GPM6A: variants seen among roughly 807,000 people sequenced by gnomAD.
GPM6A encodes the protein neuronal membrane glycoprotein M6-a.
In GPM6A, 7 loss-of-function variants were observed where a neutral mutation model predicts 32.1. That is an observed-to-expected ratio of 0.22 (90% CI 0.12 to 0.41). The LOEUF is 0.41. Among genes scored for constraint, GPM6A ranks in the 10% least tolerant of loss-of-function variants. The pLI is 1.00. For synonymous variants in GPM6A, 130 were observed against 123.4 expected (o/e 1.05, Z -0.35); for missense variants, 235 against 347.2 (o/e 0.68, Z 2.57).
chr4:175,705,907 C>T (rs1261120444), intron 1 of GPM6A, among the ~76,000 whole-genome samples: 1 of 151,894 alleles, frequency 6.6e-6, no homozygotes, highest in African/African-American at 2.4e-5. Context: ...AAAATAGGCC[C>T]ATTAATTCTC....
chr4:175,885,063 A>C (rs1473389789), intron 1 of GPM6A, among the ~76,000 whole-genome samples: 1 of 152,204 alleles, frequency 6.6e-6, no homozygotes, highest in African/African-American at 2.4e-5. Flanking sequence ...CAGAATGTAC[A>C]TATGTATGTG....
chr4:175,984,927 C>G (rs1740929131), intron 1 of GPM6A, among the ~76,000 whole-genome samples: 1 of 152,122 alleles, frequency 6.6e-6, no homozygotes, highest in African/African-American at 2.4e-5. Flanking sequence ...GAAAGCTGAA[C>G]TATTTTTGAC....
chr4:175,994,274 T>A (rs1474502471), intron 1 of GPM6A, among the ~76,000 whole-genome samples: 1 of 152,090 alleles, frequency 6.6e-6, no homozygotes, highest in Non-Finnish European at 1.5e-5. Flanking sequence ...ACTTAGTAAG[T>A]TTAGTAGTGA....
At chr4:175,780,417 T>C (rs1733573567) in intron 1 of GPM6A, among the ~76,000 whole-genome samples, 1 of 152,226 alleles carries the variant, frequency 6.6e-6, no homozygotes, top group African/African-American at 2.4e-5. Context: ...GAAGTGCATC[T>C]GTACAAGAGC....
In GPM6A at chr4:175,826,487, T is replaced by C. The variant is rs146854637; in HGVS notation, c.-22-14238A>G. ...GCATATTTCTGAGTTGTTAATATAG[T>C]AGTTTCGACATTAGGTTGACTTTTG... On this transcript the variant is annotated intron_variant, in intron 1 of 7. Coordinates refer to the GPM6A transcript ENST00000280187. Among the ~76,000 whole-genome samples the C allele has an allele frequency of 1.6e-3, 240 of 152,262 alleles. 1 individual carries two copies. Among genetic ancestry groups the C allele is most frequent in the African/African-American group, 5.5e-3 (228 of 41,548 alleles).
At chr4:175,787,573 A>G in intron 1 of GPM6A, 1 of 1,370,518 alleles carries the variant, frequency 7.3e-7, no homozygotes, top group South Asian at 1.8e-5. Context: ...TTGATGATTT[A>G]CAAGTACAGA....
At chr4:175,820,214 T>A (rs1735230160) in intron 1 of GPM6A, among the ~76,000 whole-genome samples, 1 of 152,062 alleles carries the variant, frequency 6.6e-6, no homozygotes, top group African/African-American at 2.4e-5. Flanking sequence ...TTTCTTTTTT[T>A]AAATTAGCTC....
chr4:175,984,907 C>T (rs929240922), intron 1 of GPM6A, among the ~76,000 whole-genome samples: 1 of 152,132 alleles, frequency 6.6e-6, no homozygotes, highest in African/African-American at 2.4e-5. Flanking sequence ...TATTATATAT[C>T]AAGGACACAG....
At chr4:175,795,849 G>C (rs1734201051) in intron 1 of GPM6A, 2 of 152,244 alleles carry the variant, frequency 1.3e-5, no homozygotes, top group Admixed American at 1.3e-4. Flanking sequence ...CTTTGCTCTG[G>C]AGAAGCCAGG....
At chr4:175,907,132 A>T (rs1350875839) in intron 1 of GPM6A, 1 of 152,110 alleles carries the variant, frequency 6.6e-6, no homozygotes, top group Non-Finnish European at 1.5e-5. Flanking sequence ...TGGCTGCCTT[A>T]CTACCTCTTC....
At position 175,673,763 on chromosome 4, in the gene GPM6A, C is replaced by G. The variant is rs756187035; in HGVS notation, c.304G>C (p.Glu102Gln). 2.5e-6 allele frequency: 4 copies of G among 1,612,646 alleles called. No homozygotes were observed. The change falls in exon 3 of 7, where the codon GAA (glutamate) becomes CAA (glutamine). Residue 102 changes from glutamate to glutamine, a missense_variant. Transcript: ENST00000393658. ...ATGGCCCCAGTTGTGAAGAAACCTT[C>G]CACCATCAGCAAAATGCCATACACA... ...FFVYGILLMV[E>Q]GFFTTGAIKD...
chr4:175,906,751 G>A (rs554175508), intron 1 of GPM6A: 4 of 152,104 alleles, frequency 2.6e-5, no homozygotes, highest in Admixed American at 6.6e-5. Context: ...CAGAGCTGTG[G>A]GTGCAGATGC....
chr4:175,908,261 T>A (rs1332429777), intron 1 of GPM6A, among the ~76,000 whole-genome samples: 1 of 152,164 alleles, frequency 6.6e-6, no homozygotes, highest in Non-Finnish European at 1.5e-5. Flanking sequence ...GATGCCCTAT[T>A]ACCACTCATA....
chr4:175,760,522 G>A (rs1010730506), intron 1 of GPM6A, among the ~76,000 whole-genome samples: 1 of 152,198 alleles, frequency 6.6e-6, no homozygotes, highest in Admixed American at 6.5e-5. Flanking sequence ...ATGCTCAAAA[G>A]ACTCTCATGT....
intron 1 of GPM6A, among the ~76,000 whole-genome samples, chr4:175,868,374 C>T (rs1036982371): frequency 1.3e-5 from 2 of 152,164 alleles, no homozygotes; most frequent in Admixed American, 6.5e-5. Flanking sequence ...GTGAAACACC[C>T]TTTGTCAGTC....
chr4:175,992,074 A>G (rs971328855), intron 1 of GPM6A, among the ~76,000 whole-genome samples: 2 of 151,948 alleles, frequency 1.3e-5, no homozygotes, highest in Non-Finnish European at 2.9e-5. Context: ...ACACACACAC[A>G]CACACACACA....
At chr4:175,738,738 T>C (rs938776043) in intron 1 of GPM6A, among the ~76,000 whole-genome samples, 7 of 152,204 alleles carry the variant, frequency 4.6e-5, no homozygotes. Context: ...ATTCTCAATT[T>C]CTAAAGGAAC....
chr4:175,910,639 T>C (rs1291642913), intron 1 of GPM6A, among the ~76,000 whole-genome samples: 1 of 152,204 alleles, frequency 6.6e-6, no homozygotes. Context: ...CCCTTCTACA[T>C]GACCTCCCAT....
At chr4:175,637,088 A>C (rs1378715417) in intron 6 of GPM6A, among the ~76,000 whole-genome samples, 1 of 83,374 alleles carries the variant, frequency 1.2e-5, no homozygotes, top group African/African-American at 4.5e-5. Flanking sequence ...ATAACATATA[A>C]TATATCATAT....
Sources: gnomAD v4.1 joint callset for allele counts (sites outside exome capture counted in the v4.1 genomes callset) on GRCh38, gnomAD v4.1.1 for gene constraint, MANE v1.5 for transcripts, NCBI Gene and HGNC (gene_info 2026-07-23, HGNC 2026-07-21) for gene names.